The following BICDL1 variants were observed in gnomAD, a reference collection of about 807,000 sequenced individuals.
BICDL1 encodes BICD family like cargo adaptor 1.
BICDL1 carries 20 observed loss-of-function variants against 76.8 expected under a neutral mutation model. The observed-to-expected ratio is 0.26, with a 90% CI of 0.18 to 0.38. The LOEUF (loss-of-function observed/expected upper bound fraction) is 0.38. Ranked by LOEUF, BICDL1 falls within the 10% of genes least tolerant of loss-of-function variation. The pLI, the probability that BICDL1 is intolerant of heterozygous loss-of-function variation, is 1.00. For missense variants in BICDL1, 700 were observed against 798.6 expected (o/e 0.88, Z 1.49); for synonymous variants, 383 against 337.1 (o/e 1.14, Z -1.49).
chr12:119,999,519 TGAAAA>T (rs1951719452), intron 2 of BICDL1, among the ~76,000 whole-genome samples: 1 of 152,250 alleles, frequency 6.6e-6, no homozygotes, highest in African/African-American at 2.4e-5. Flanking sequence ...TGTTTAAATA[TGAAAA>T]GAAATGTGTA....
At chr12:120,057,234 C>T (rs566287138) in intron 2 of BICDL1, 146 of 420,744 alleles carry the variant, frequency 3.5e-4, no homozygotes, top group African/African-American at 1.4e-3. Context: ...AGGCTGGTCT[C>T]GAACTCCTGA....
intron 2 of BICDL1, among the ~76,000 whole-genome samples, chr12:120,001,928 C>T (rs1025972204): frequency 4.6e-5 from 7 of 152,042 alleles, no homozygotes; most frequent in African/African-American, 1.7e-4. Context: ...GTGGTGCATG[C>T]CTGTAGTACT....
intron 8 of BICDL1, among the ~76,000 whole-genome samples, chr12:120,083,200 C>T (rs1355101922): frequency 2.0e-5 from 3 of 152,140 alleles, no homozygotes; most frequent in Non-Finnish European, 4.4e-5. Flanking sequence ...GTCTTACATT[C>T]AGAAACTTTG....
intron 3 of BICDL1, among the ~76,000 whole-genome samples, chr12:120,063,094 T>C: frequency 6.6e-6 from 1 of 152,196 alleles, no homozygotes. Flanking sequence ...TTTGTGTAGC[T>C]CCGAACTAAG....
chr12:119,990,155 A>G lies in BICDL1; in HGVS notation c.287A>G (p.Asp96Gly). ...GAGPQPPPSQ[D>G]PELLSVIRQK... is the part of the protein sequence containing the mutation. ...GGACCGCAGCCGCCGCCCTCCCAGG[A>G]CCCCGAGCTGCTGTCGGTGATCCGA... The change falls in exon 1 of 10, where the codon GAC becomes GGC. Residue 96 changes from aspartate (D) to glycine (G), a missense_variant. Transcript: ENST00000548673. 6.4e-7 allele frequency: 1 copy of G among 1,551,276 alleles called. No individual in the cohort carries two copies. The highest frequency in any genetic ancestry group is 8.7e-7 in the Non-Finnish European group (1 of 1,147,564).
intron 2 of BICDL1, among the ~76,000 whole-genome samples, chr12:120,058,844 G>T (rs1341368458): frequency 6.6e-6 from 1 of 151,946 alleles, no homozygotes; most frequent in East Asian, 1.9e-4. Flanking sequence ...ACCCACCTCA[G>T]CCTCCCAAAG....
At position 120,072,663 on chromosome 12, in the gene BICDL1, C is replaced by T; in HGVS notation, c.1242C>T (p.Ser414=). The change falls in exon 6 of 10, where the codon AGC becomes AGT. Residue 414 remains serine (S), a synonymous_variant. Coordinates refer to ENST00000548673, the MANE Select transcript of BICDL1 (RefSeq NM_001367886.1). ...TSSAKDVPAG[S]LRTALNELKR... is the part of the protein sequence containing the mutation. ...CCGCCAAGGATGTGCCAGCCGGCAG[C>T]TTGCGCACTGCCCTCAATGAGCTCA... The T allele has an allele frequency of 6.2e-7, 1 of 1,614,128 alleles. No individual in the cohort carries two copies. Among genetic ancestry groups the T allele is most frequent in the African/African-American group, 1.3e-5 (1 of 75,058 alleles).
rs929254559 is a variant in BICDL1 at position 119,989,810 on chromosome 12, C to A, written c.-59C>A. On this transcript the variant is annotated 5_prime_UTR_variant, in exon 1 of 10. Transcript: ENST00000548673. The stretch of plus-strand genomic sequence containing the variant: ...GGGCGGCGCGGCAGGGCCCCTCCCC[C>A]CTGCAGCCTGGCGCGCGCGGGCCGG... The A allele has an allele frequency of 3.3e-5, 30 of 905,298 alleles. No individual in the cohort carries two copies. Among genetic ancestry groups the A allele is most frequent in the East Asian group, 1.4e-4 (2 of 14,692 alleles). The allele number at this position is 905,298 out of a possible 1,614,324, so 56.1% of individuals were successfully genotyped here. A position where few individuals can be genotyped will look rare whatever the true frequency, so the allele number is the denominator to read the frequency against.
At chr12:120,041,255 T>C (rs1314714146) in intron 2 of BICDL1, among the ~76,000 whole-genome samples, 1 of 152,200 alleles carries the variant, frequency 6.6e-6, no homozygotes, top group African/African-American at 2.4e-5. Context: ...ATCAACATGA[T>C]TCCTCTTCTA....
chr12:120,045,273 G>GT (rs1325375840), intron 2 of BICDL1, among the ~76,000 whole-genome samples: 2 of 152,158 alleles, frequency 1.3e-5, no homozygotes, highest in African/African-American at 2.4e-5. Context: ...GAAACAACAA[G>GT]TGCTGGAGAG....
intron 1 of BICDL1, among the ~76,000 whole-genome samples, chr12:119,992,268 T>C (rs77955167): frequency 0.086 from 13,094 of 152,266 alleles, 680 homozygotes; most frequent in African/African-American, 0.14. Context: ...GTGACAAACC[T>C]GGTTTACAGA....
intron 2 of BICDL1, among the ~76,000 whole-genome samples, chr12:120,049,144 G>C (rs1200754040): frequency 6.6e-6 from 1 of 152,298 alleles, no homozygotes; most frequent in African/African-American, 2.4e-5. Flanking sequence ...CTCTGAGAAC[G>C]CAAAGGAGGG....
intron 8 of BICDL1, among the ~76,000 whole-genome samples, chr12:120,083,628 A>G (rs1024136128): frequency 7.0e-6 from 1 of 143,768 alleles, no homozygotes; most frequent in Non-Finnish European, 1.5e-5. Flanking sequence ...TATTAATAGT[A>G]GTATTTATTT....
chr12:119,990,664 C>T (rs6490278), intron 1 of BICDL1, among the ~76,000 whole-genome samples: 52,679 of 152,142 alleles, frequency 0.35, 12,151 homozygotes, highest in African/African-American at 0.65. Flanking sequence ...GTTTTCAGAG[C>T]AGTTAATCTC....
At chr12:120,026,770 A>T (rs922045739) in intron 2 of BICDL1, among the ~76,000 whole-genome samples, 1 of 152,178 alleles carries the variant, frequency 6.6e-6, no homozygotes, top group South Asian at 2.1e-4. Context: ...CTTGTCAGCC[A>T]TCTTTTTTGC....
At chr12:119,990,866 T>C (rs1368983616) in intron 1 of BICDL1, among the ~76,000 whole-genome samples, 4 of 152,234 alleles carry the variant, frequency 2.6e-5, no homozygotes, top group African/African-American at 9.6e-5. Context: ...GCTCAACATG[T>C]GACCGCTGGT....
At chr12:119,996,757 T>C (rs1429414009) in intron 1 of BICDL1, among the ~76,000 whole-genome samples, 1 of 152,058 alleles carries the variant, frequency 6.6e-6, no homozygotes, top group East Asian at 1.9e-4. Context: ...ATCTCAGGAA[T>C]TGCAGTCCAG....
chr12:120,057,803 G>A (rs1594178582), intron 2 of BICDL1, among the ~76,000 whole-genome samples: 1 of 147,604 alleles, frequency 6.8e-6, no homozygotes, highest in East Asian at 2.0e-4. Flanking sequence ...TGCAAAAGGA[G>A]GCCAGCGATT....
intron 2 of BICDL1, among the ~76,000 whole-genome samples, chr12:120,058,590 CTTTTTTTTT>C (rs1039285394): frequency 2.9e-5 from 4 of 136,152 alleles, no homozygotes; most frequent in South Asian, 2.4e-4. Context: ...AAATTTTTTT[CTTTTTTTTT>C]TTTTTTTTTG....
Sources: allele counts gnomAD v4.1 joint callset (sites outside exome capture counted in the v4.1 genomes callset), GRCh38; gene constraint gnomAD v4.1.1; transcripts MANE v1.5; gene names NCBI Gene and HGNC (gene_info 2026-07-23, HGNC 2026-07-21).